Variants in KCNMA1 observed in about 807,000 individuals in gnomAD.
The protein encoded by KCNMA1 is potassium calcium-activated channel subfamily M alpha 1.
In KCNMA1, 29 loss-of-function variants were observed where a neutral mutation model predicts 140.0. The ratio of observed to expected loss-of-function variants is 0.21; its 90% CI spans 0.15 to 0.28. The LOEUF (loss-of-function observed/expected upper bound fraction) is 0.28. Ranked by LOEUF, KCNMA1 falls within the 10% of genes least tolerant of loss-of-function variation. The pLI, the probability that KCNMA1 is intolerant of heterozygous loss-of-function variation, is 1.00. For missense variants in KCNMA1, 880 were observed against 1,602.2 expected (o/e 0.55, Z 7.70); for synonymous variants, 612 against 611.9 (o/e 1.00, Z 0.00).
At chr10:77,101,737 G>A (rs2097102811) in intron 9 of KCNMA1, among the ~76,000 whole-genome samples, 1 of 152,138 alleles carries the variant, frequency 6.6e-6, no homozygotes, top group Non-Finnish European at 1.5e-5. Context: ...AATCGTAAAT[G>A]ACATTTTATA....
chr10:77,181,848 A>C (rs2098805271), intron 5 of KCNMA1, among the ~76,000 whole-genome samples: 1 of 152,234 alleles, frequency 6.6e-6, no homozygotes, highest in South Asian at 2.1e-4. Flanking sequence ...TTTTCCTTAG[A>C]GCAAGAGAAT....
chr10:77,026,008 T>A (rs1170537292), intron 16 of KCNMA1, among the ~76,000 whole-genome samples: 1 of 146,718 alleles, frequency 6.8e-6, no homozygotes, highest in African/African-American at 2.5e-5. Flanking sequence ...AATATATATA[T>A]ATATATATAT....
chr10:77,075,070 C>T (rs2153717326), intron 13 of KCNMA1, among the ~76,000 whole-genome samples: 1 of 152,290 alleles, frequency 6.6e-6, no homozygotes, highest in African/African-American at 2.4e-5. Context: ...CTTGTGCATC[C>T]TAAGCCAAAA....
intron 19 of KCNMA1, among the ~76,000 whole-genome samples, chr10:76,986,072 A>G (rs908704235): frequency 2.0e-5 from 3 of 152,170 alleles, no homozygotes; most frequent in Admixed American, 6.5e-5. Flanking sequence ...CTCAAGCAAA[A>G]CTACCATGCT....
At chr10:77,236,446 T>C (rs2055490108) in intron 3 of KCNMA1, among the ~76,000 whole-genome samples, 1 of 152,092 alleles carries the variant, frequency 6.6e-6, no homozygotes, top group South Asian at 2.1e-4. Context: ...GGGAGGATGG[T>C]CTTGGGGACT....
At chr10:77,567,650 G>C (rs1472712573) in intron 1 of KCNMA1, among the ~76,000 whole-genome samples, 7 of 152,220 alleles carry the variant, frequency 4.6e-5, no homozygotes, top group Non-Finnish European at 1.0e-4. Context: ...AAACCATGCA[G>C]TCAAATTACA....
chr10:77,227,964 A>AT (rs10642363), intron 3 of KCNMA1, among the ~76,000 whole-genome samples: 69,115 of 136,028 alleles, frequency 0.51, 17,863 homozygotes, highest in South Asian at 0.55. Context: ...ATTTAATTTA[A>AT]TTTTTTTTTT....
rs1208736387 is a variant in KCNMA1, at chr10:76,977,676, G to C, written c.2267-7609C>G. On this transcript the variant is annotated intron_variant, in intron 19 of 27. Coordinates refer to ENST00000286628, the MANE Select transcript of KCNMA1 (RefSeq NM_001161352.2). The stretch of plus-strand genomic sequence containing the variant: ...CCAAATAACAAAAGAAATACCCGTG[G>C]AGCCCACCTGAAGTGCACAGATCTG... 1.6e-5 allele frequency: 11 copies of C among 702,618 alleles called. 1 individual carries two copies. Among genetic ancestry groups the C allele is most frequent in the Non-Finnish European group, 2.6e-5 (10 of 384,780 alleles). The allele number at this position is 702,618 out of a possible 1,614,324, so 43.5% of individuals were successfully genotyped here. A position where few individuals can be genotyped will look rare whatever the true frequency, so the allele number is the denominator to read the frequency against.
Position 77,320,670 on chromosome 10 carries a change from C to T in KCNMA1, c.541-69414G>A, listed in dbSNP as rs560005674. Among the ~76,000 whole-genome samples, 11 of 152,244 alleles carry T rather than the reference C, an allele frequency of 7.2e-5. No homozygotes were observed. The South Asian group carries it at 2.1e-3, about 29-fold the overall frequency. ...CTTCCTCGTTGTTACCTGCCAGCAC[C>T]ACCACACTTGAGAACAGCAGACACA... On this transcript the variant is annotated intron_variant, in intron 2 of 27. Transcript: ENST00000286628.
intron 2 of KCNMA1, among the ~76,000 whole-genome samples, chr10:77,335,346 G>T (rs1233081349): frequency 6.6e-6 from 1 of 152,136 alleles, no homozygotes; most frequent in Non-Finnish European, 1.5e-5. Flanking sequence ...ACTAATGAGA[G>T]ATCTGCCCAC....
intron 3 of KCNMA1, among the ~76,000 whole-genome samples, chr10:77,237,561 C>T (rs759291165): frequency 9.2e-5 from 14 of 152,262 alleles, no homozygotes; most frequent in African/African-American, 2.2e-4. Flanking sequence ...GTGCTGAAGC[C>T]ATGCTCCCAC....
chr10:77,532,189 G>A (rs1265200244), intron 1 of KCNMA1, among the ~76,000 whole-genome samples: 1 of 152,220 alleles, frequency 6.6e-6, no homozygotes, highest in Non-Finnish European at 1.5e-5. Context: ...AGAAGGGGCT[G>A]GCCATGCATT....
In KCNMA1 at chr10:77,002,141, A is replaced by T. The variant is rs79078763; in HGVS notation, c.2093-561T>A. On this transcript the variant is annotated intron_variant, in intron 18 of 27. Transcript: ENST00000286628. ...TGAAACGATTACGTGTTAATACAGT[A>T]TCTAAGGATGCCTTTGCTGAACTTC... Among the ~76,000 whole-genome samples, 1,113 of 152,350 alleles carry T rather than the reference A, an allele frequency of 7.3e-3. 6 individuals carry two copies. Among genetic ancestry groups the T allele is most frequent in the Middle Eastern group, 0.014 (4 of 294 alleles).
At chr10:76,907,712 T>G (rs1054817032) in intron 25 of KCNMA1, among the ~76,000 whole-genome samples, 10 of 152,108 alleles carry the variant, frequency 6.6e-5, no homozygotes, top group Admixed American at 3.9e-4. Context: ...CTAATTTTTT[T>G]ATATTTTTAG....
At chr10:77,382,916 A>C (rs1486869162) in intron 2 of KCNMA1, among the ~76,000 whole-genome samples, 1 of 140,952 alleles carries the variant, frequency 7.1e-6, no homozygotes, top group African/African-American at 2.6e-5. Flanking sequence ...ACACACACAC[A>C]CACATACATA....
At chr10:77,265,756 AAAAACAAAAC>A (rs372390508) in intron 2 of KCNMA1, among the ~76,000 whole-genome samples, 110 of 152,164 alleles carry the variant, frequency 7.2e-4, no homozygotes, top group African/African-American at 2.6e-3. Flanking sequence ...CATGGCTGCT[AAAAACAAAAC>A]AAAACAAAAC....
intron 2 of KCNMA1, among the ~76,000 whole-genome samples, chr10:77,398,453 T>A (rs550022794): frequency 5.9e-5 from 9 of 152,372 alleles, no homozygotes; most frequent in African/African-American, 1.7e-4. Flanking sequence ...AGACTAGAGA[T>A]GTTGAGTATT....
intron 10 of KCNMA1, among the ~76,000 whole-genome samples, chr10:77,087,945 ATAAG>A (rs1388027491): frequency 1.8e-4 from 27 of 151,662 alleles, no homozygotes; most frequent in African/African-American, 6.5e-4. Context: ...TTATAAATAA[ATAAG>A]TAAAATAAAT....
intron 11 of KCNMA1, among the ~76,000 whole-genome samples, chr10:77,085,193 A>G (rs1172544242): frequency 6.6e-6 from 1 of 152,188 alleles, no homozygotes; most frequent in Non-Finnish European, 1.5e-5. Context: ...GACCTTTTTC[A>G]CATCTTCATT....
Sources: gnomAD v4.1 joint callset for allele counts (sites outside exome capture counted in the v4.1 genomes callset) on GRCh38, gnomAD v4.1.1 for gene constraint, MANE v1.5 for transcripts, NCBI Gene and HGNC (gene_info 2026-07-23, HGNC 2026-07-21) for gene names.